Variants in ROBO2 observed in about 807,000 individuals in gnomAD.
ROBO2 encodes roundabout homolog 2.
In ROBO2, 53 loss-of-function variants were observed where a neutral mutation model predicts 160.8. The observed-to-expected ratio is 0.33, with a 90% confidence interval of 0.26 to 0.41. The LOEUF is 0.41. ROBO2 is among the 10% of genes least tolerant of loss of function. The probability of loss-of-function intolerance (pLI) is 1.00; values close to 1 mark genes in which losing one functional copy is unlikely to be tolerated. For synonymous variants in ROBO2, 664 were observed against 611.7 expected (o/e 1.09, Z -1.26); for missense variants, 1,577 against 1,722.4 (o/e 0.92, Z 1.49).
At chr3:76,555,788 A>C (rs1418928862) in intron 2 of ROBO2, among the ~76,000 whole-genome samples, 1 of 152,138 alleles carries the variant, frequency 6.6e-6, no homozygotes, top group Non-Finnish European at 1.5e-5. Flanking sequence ...AATGACCAAA[A>C]GAAAAACTCT....
At chr3:77,399,110 T>A (rs1332624041) in intron 2 of ROBO2, among the ~76,000 whole-genome samples, 1 of 152,166 alleles carries the variant, frequency 6.6e-6, no homozygotes, top group African/African-American at 2.4e-5. Flanking sequence ...TAAAAATATA[T>A]TTTCCTTCTT....
chr3:76,938,741 G>A (rs1333847459), intron 2 of ROBO2, among the ~76,000 whole-genome samples: 4 of 152,026 alleles, frequency 2.6e-5, no homozygotes, highest in Non-Finnish European at 1.5e-5. Context: ...AGGCCGAGGC[G>A]GGTGGATCCC....
At chr3:77,444,631 A>C (rs192872499) in intron 2 of ROBO2, among the ~76,000 whole-genome samples, 1 of 152,200 alleles carries the variant, frequency 6.6e-6, no homozygotes, top group Admixed American at 6.5e-5. Context: ...TTGATTTAGC[A>C]GCATTGACAT....
intron 5 of ROBO2, among the ~76,000 whole-genome samples, chr3:77,497,720 G>A (rs192592444): frequency 6.6e-6 from 1 of 152,110 alleles, no homozygotes; most frequent in Non-Finnish European, 1.5e-5. Flanking sequence ...TGTTTTATGT[G>A]ATAGAAGTTG....
chr3:77,215,004 C>T (rs1245543400), intron 2 of ROBO2, among the ~76,000 whole-genome samples: 3 of 152,098 alleles, frequency 2.0e-5, no homozygotes, highest in African/African-American at 7.2e-5. Flanking sequence ...TCTCTGGCTG[C>T]CCTTAACATT....
At chr3:77,049,027 A>G (rs2064963467) in intron 1 of ROBO2, among the ~76,000 whole-genome samples, 1 of 152,156 alleles carries the variant, frequency 6.6e-6, no homozygotes, top group Non-Finnish European at 1.5e-5. Flanking sequence ...GAGAATTTTT[A>G]AAGAAGAAAA....
intron 2 of ROBO2, among the ~76,000 whole-genome samples, chr3:76,822,070 A>C (rs1269381038): frequency 6.6e-6 from 1 of 152,064 alleles, no homozygotes; most frequent in East Asian, 1.9e-4. Flanking sequence ...TACCAAAAAA[A>C]AATTTTCCAG....
rs377021997 is a variant in ROBO2, at chr3:77,617,591, A to T, written c.3372A>T (p.Glu1124Asp). ...AAGGTCTGGAAGATGAACTGGAAGA[A>T]GATGATGATAGGGTCCCAACACCTC... The change falls in exon 22 of 26, where the codon GAA (glutamate) becomes GAT (aspartate). Residue 1124 changes from glutamate (E) to aspartate (D), a missense_variant. Coordinates refer to ENST00000461745, the Ensembl canonical transcript of ROBO2. 16 of 1,614,054 alleles carry T rather than the reference A, an allele frequency of 9.9e-6. No homozygotes were observed. The highest frequency in any genetic ancestry group is 2.7e-5 in the African/African-American group (2 of 74,922).
At chr3:77,302,360 G>C (rs1460977663) in intron 2 of ROBO2, among the ~76,000 whole-genome samples, 1 of 151,430 alleles carries the variant, frequency 6.6e-6, no homozygotes, top group Non-Finnish European at 1.5e-5. Context: ...CTTGTTTGTG[G>C]TGCGCCCTTA....
intron 2 of ROBO2, among the ~76,000 whole-genome samples, chr3:76,445,753 G>A (rs552527362): frequency 3.3e-5 from 5 of 152,064 alleles, no homozygotes; most frequent in African/African-American, 7.2e-5. Flanking sequence ...ATCAATGAAC[G>A]TAATCCAGCA....
At chr3:76,267,363 C>G (rs1284464780) in intron 2 of ROBO2, among the ~76,000 whole-genome samples, 1 of 152,130 alleles carries the variant, frequency 6.6e-6, no homozygotes, top group Admixed American at 6.6e-5. Context: ...TTATGATAGC[C>G]ATCACTAACT....
Position 76,153,464 on chromosome 3 carries a change from GTTTTGTTTTGGTCT to G in ROBO2, c.109+215874_109+215887del, listed in dbSNP as rs1352590523. 2.6e-5 allele frequency among the ~76,000 whole-genome samples: 4 copies of G among 152,266 alleles called. No individual in the cohort carries two copies. In the East Asian group the frequency reaches 5.8e-4, roughly 22 times the overall value. ...TTTTGTTGTTGTTGTTGTATTGGTGGTTTTGTTTTGGTCTTTTTGTTTTGGAGATGTGATGAAAA... is the reference window on the plus strand; with the variant it reads ...TTTTGTTGTTGTTGTTGTATTGGTGGTTTTGTTTTGGAGATGTGATGAAAA... On this transcript the variant is annotated intron_variant, in intron 2 of 26. Coordinates refer to the ROBO2 transcript ENST00000487694.
At chr3:76,213,942 T>G (rs148581433) in intron 2 of ROBO2, among the ~76,000 whole-genome samples, 2 of 152,222 alleles carry the variant, frequency 1.3e-5, no homozygotes, top group East Asian at 3.9e-4. Context: ...GATATAGATA[T>G]AGATATACAT....
rs545738548 is a variant in ROBO2, at chr3:77,517,967, G to T, written c.807-4808G>T. 2.2e-3 allele frequency among the ~76,000 whole-genome samples: 333 copies of T among 151,546 alleles called. 3 individuals carry two copies. The highest frequency in any genetic ancestry group is 7.6e-3 in the African/African-American group (314 of 41,444). Reference sequence around the variant, plus strand: ...GAACATTTTCCCTCTGAATAAAGGGGATTATTGTACAGTATATGGTTGCTG... The same window carrying T: ...GAACATTTTCCCTCTGAATAAAGGGTATTATTGTACAGTATATGGTTGCTG... On this transcript the variant is annotated intron_variant, in intron 5 of 25. Transcript: ENST00000461745.
intron 2 of ROBO2, among the ~76,000 whole-genome samples, chr3:76,747,376 A>G (rs1362583201): frequency 6.6e-6 from 1 of 152,140 alleles, no homozygotes; most frequent in Non-Finnish European, 1.5e-5. Flanking sequence ...TGACATATAT[A>G]CTTATCTTTC....
chr3:77,464,337 A>C (rs1285275920), intron 2 of ROBO2, among the ~76,000 whole-genome samples: 3 of 152,174 alleles, frequency 2.0e-5, no homozygotes, highest in Non-Finnish European at 4.4e-5. Flanking sequence ...CCAAGTCCCT[A>C]AGAGGAACTG....
chr3:77,455,101 C>A (rs2081491388), intron 2 of ROBO2, among the ~76,000 whole-genome samples: 1 of 152,106 alleles, frequency 6.6e-6, no homozygotes, highest in Non-Finnish European at 1.5e-5. Context: ...ACAAATAGAA[C>A]AATGAAACTC....
At chr3:77,470,821 G>T (rs1393063665) in intron 2 of ROBO2, among the ~76,000 whole-genome samples, 1 of 152,108 alleles carries the variant, frequency 6.6e-6, no homozygotes, top group Non-Finnish European at 1.5e-5. Flanking sequence ...CTAGAGGTCG[G>T]TCTTCTACTG....
intron 2 of ROBO2, among the ~76,000 whole-genome samples, chr3:77,415,631 T>G (rs1320763576): frequency 6.6e-6 from 1 of 152,112 alleles, no homozygotes; most frequent in East Asian, 1.9e-4. Flanking sequence ...CAGCTTGCAC[T>G]ACCAACCCAG....
Sources: gnomAD v4.1 joint callset for allele counts (sites outside exome capture counted in the v4.1 genomes callset) on GRCh38, gnomAD v4.1.1 for gene constraint, MANE v1.5 for transcripts, NCBI Gene and HGNC (gene_info 2026-07-23, HGNC 2026-07-21) for gene names.